The following ATM variants were observed in gnomAD, a reference collection of about 807,000 sequenced individuals.
ATM encodes ATM serine/threonine kinase, also known as serine-protein kinase ATM.
In ATM, 308 loss-of-function variants were observed where a neutral mutation model predicts 387.0. The observed-to-expected ratio is 0.80, with a 90% CI of 0.73 to 0.87. The LOEUF is 0.87. Ranked by LOEUF, ATM falls within the 40% of genes least tolerant of loss-of-function variation. The pLI, the probability that ATM is intolerant of heterozygous loss-of-function variation, is 0.00. For missense variants in ATM, 3,312 were observed against 3,560.9 expected (o/e 0.93, Z 1.78); for synonymous variants, 1,156 against 1,187.3 (o/e 0.97, Z 0.54).
chr11:108,316,327 G>T (rs1489728277), intron 42 of ATM, among the ~76,000 whole-genome samples: 1 of 152,194 alleles, frequency 6.6e-6, no homozygotes, highest in Non-Finnish European at 1.5e-5. Context: ...AGGAAAGTCA[G>T]ACAGGTCATT....
chr11:108,347,963 A>T (rs1252900781), intron 59 of ATM, among the ~76,000 whole-genome samples: 2 of 152,240 alleles, frequency 1.3e-5, no homozygotes, highest in Non-Finnish European at 2.9e-5. Context: ...ATGAAGATTT[A>T]TACTAAAGTT....
At chr11:108,358,191 A>G (rs1203885452) in intron 61 of ATM, among the ~76,000 whole-genome samples, 1 of 151,808 alleles carries the variant, frequency 6.6e-6, no homozygotes, top group Non-Finnish European at 1.5e-5. Flanking sequence ...AAGAAAGGGT[A>G]TCAGCGATGG....
chr11:108,265,447 T>G (rs1346437135), intron 16 of ATM, among the ~76,000 whole-genome samples: 1 of 152,216 alleles, frequency 6.6e-6, no homozygotes, highest in Non-Finnish European at 1.5e-5. Context: ...AAGCTGAAAC[T>G]GGATCCCTTC....
At chr11:108,308,858 T>G (rs1346147971) in intron 38 of ATM, 1 of 635,188 alleles carries the variant, frequency 1.6e-6, no homozygotes, top group Non-Finnish European at 2.7e-6. Flanking sequence ...TACCTTAGAG[T>G]TTTATACCAG....
intron 5 of ATM, among the ~76,000 whole-genome samples, chr11:108,238,030 G>A (rs1356248969): frequency 2.0e-5 from 3 of 150,084 alleles, no homozygotes; most frequent in African/African-American, 7.4e-5. Flanking sequence ...AGGTTCAAGC[G>A]ATTCTCCTGC....
intron 1 of ATM, chr11:108,225,713 T>G (rs1214566614): frequency 6.6e-6 from 1 of 152,228 alleles, no homozygotes. Flanking sequence ...CCTGACCTCG[T>G]GGAACGCCCA....
At position 108,302,883 on chromosome 11, in the gene ATM, A is replaced by G; in HGVS notation, c.5350A>G (p.Asn1784Asp). 1 of 1,613,154 alleles carries G rather than the reference A, an allele frequency of 6.2e-7. No individual in the cohort carries two copies. The highest frequency in any genetic ancestry group is 8.5e-7 in the Non-Finnish European group (1 of 1,179,300). ...FLEVPRFDKE[N>D]PFEGLDDINL... ...AGAAGTACCCAGATTTGACAAAGAA[A>G]ACCCTTTTGAAGGCCTGGATGATAT... The change falls in exon 36 of 63, where the codon AAC becomes GAC. Residue 1784 changes from asparagine to aspartate, a missense_variant. By Grantham distance (23) the Asn-to-Asp change is conservative. Transcript: ENST00000675843.
chr11:108,318,709 C>G (rs1165052251), intron 43 of ATM, among the ~76,000 whole-genome samples: 1 of 151,672 alleles, frequency 6.6e-6, no homozygotes, highest in African/African-American at 2.4e-5. Context: ...AAAAAACACT[C>G]AGTTACCCAG....
intron 59 of ATM, among the ~76,000 whole-genome samples, chr11:108,347,693 A>G (rs893832448): frequency 1.3e-5 from 2 of 152,136 alleles, no homozygotes; most frequent in Non-Finnish European, 2.9e-5. Flanking sequence ...AAGATGTAGC[A>G]TGTTGTGGGA....
chr11:108,233,471 A>G (rs1193404669), intron 4 of ATM, among the ~76,000 whole-genome samples: 1 of 148,620 alleles, frequency 6.7e-6, no homozygotes, highest in Non-Finnish European at 1.5e-5. Context: ...TAGGAGGCTT[A>G]GGGAGGAAGA....
chr11:108,347,464 T>C, intron 59 of ATM, 99 bp downstream of exon 59: 1 of 1,044,478 alleles, frequency 9.6e-7, no homozygotes, highest in Non-Finnish European at 1.4e-6. Context: ...AAGAGACAGA[T>C]AAATTGAAGC....
intron 3 of ATM, among the ~76,000 whole-genome samples, chr11:108,228,948 T>C (rs2078871619): frequency 6.6e-6 from 1 of 152,192 alleles, no homozygotes. Context: ...AGTAAAGCAA[T>C]AGAAAGTCAT....
chr11:108,295,837 T>TA (rs2083093001), intron 32 of ATM: 1 of 152,042 alleles, frequency 6.6e-6, no homozygotes, highest in South Asian at 2.1e-4. Flanking sequence ...GTATTTTTTT[T>TA]AGTAGAGACG....
At chr11:108,343,070 G>T (rs2087784721) in intron 56 of ATM, 152 bp from the exon 57 acceptor site, 7 of 936,870 alleles carry the variant, frequency 7.5e-6, no homozygotes, top group Non-Finnish European at 1.2e-5. Flanking sequence ...ATTTCCGATT[G>T]GTTTCCTCCA....
chr11:108,329,188 A>C lies in ATM; in HGVS notation c.7257A>C (p.Arg2419Ser). 1 of 1,614,106 alleles carries C rather than the reference A, an allele frequency of 6.2e-7. No homozygotes were observed. The highest frequency in any genetic ancestry group is 8.5e-7 in the Non-Finnish European group (1 of 1,179,984). The change falls in exon 49 of 63, where the codon AGA becomes AGC. Residue 2419 changes from arginine (R) to serine (S), a missense_variant. Coordinates refer to ENST00000675843, the MANE Select transcript of ATM (RefSeq NM_000051.4). Reference sequence around the variant, plus strand: ...AAAACAAGCAAGCTCTCCTGAAAAGAGCCAAAGAGGAAGTAGGTCTCCTTA... The same window carrying C: ...AAAACAAGCAAGCTCTCCTGAAAAGCGCCAAAGAGGAAGTAGGTCTCCTTA... ...EFENKQALLK[R>S]AKEEVGLLRE... is the part of the protein sequence containing the mutation.
chr11:108,259,898 T>C (rs1403758895), intron 16 of ATM, among the ~76,000 whole-genome samples: 2 of 152,216 alleles, frequency 1.3e-5, no homozygotes, highest in Admixed American at 1.3e-4. Context: ...ATGACACATC[T>C]TAATCATTTT....
At position 108,241,267 on chromosome 11, in the gene ATM, C is replaced by T. The variant is rs58745314; in HGVS notation, c.497-2686C>T. Among the ~76,000 whole-genome samples the T allele has an allele frequency of 9.0e-3, 1,375 of 152,124 alleles. 20 individuals carry two copies. The highest frequency in any genetic ancestry group is 0.031 in the African/African-American group (1,298 of 41,496). On this transcript the variant is annotated intron_variant, in intron 5 of 62. Transcript: ENST00000675843. ...AAAGGACCTACCTGAGACTGTTTTA[C>T]TGTTTTGTTTTGTTTTGTTTTTTAA...
intron 4 of ATM, chr11:108,231,052 T>G (rs1158678941): frequency 6.6e-6 from 1 of 152,158 alleles, no homozygotes; most frequent in Non-Finnish European, 1.5e-5. Flanking sequence ...GAAGCAATTC[T>G]TGCTTATCTT....
chr11:108,241,935 G>A (rs975577287), intron 5 of ATM, among the ~76,000 whole-genome samples: 4 of 151,074 alleles, frequency 2.6e-5, no homozygotes, highest in South Asian at 4.2e-4. Flanking sequence ...GTAGAGATAA[G>A]GTCTTATTAT....
Sources: allele counts gnomAD v4.1 joint callset (sites outside exome capture counted in the v4.1 genomes callset), GRCh38; gene constraint gnomAD v4.1.1; transcripts MANE v1.5; gene names NCBI Gene and HGNC (gene_info 2026-07-23, HGNC 2026-07-21).